The following ARHGAP35 variants were observed in gnomAD, a reference collection of about 807,000 sequenced individuals.
The protein encoded by ARHGAP35 is Rho GTPase activating protein 35.
ARHGAP35 carries 15 observed loss-of-function variants against 111.1 expected under a neutral mutation model. The ratio of observed to expected loss-of-function variants is 0.13; its 90% CI spans 0.09 to 0.21. The LOEUF (loss-of-function observed/expected upper bound fraction) is 0.21. Among genes scored for constraint, ARHGAP35 ranks in the 10% least tolerant of loss-of-function variants. The probability of loss-of-function intolerance (pLI) is 1.00; values close to 1 mark genes in which losing one functional copy is unlikely to be tolerated. For missense variants in ARHGAP35, 1,262 were observed against 1,873.0 expected (o/e 0.67, Z 6.02); for synonymous variants, 643 against 710.3 (o/e 0.91, Z 1.51).
At chr19:46,898,116 C>T (rs1181212785) in intron 1 of ARHGAP35, among the ~76,000 whole-genome samples, 1 of 152,052 alleles carries the variant, frequency 6.6e-6, no homozygotes, top group Non-Finnish European at 1.5e-5. Context: ...GTGGCGCATG[C>T]CTGTAATCCC....
intron 2 of ARHGAP35, among the ~76,000 whole-genome samples, chr19:46,925,381 A>G (rs2056232336): frequency 6.6e-6 from 1 of 152,226 alleles, no homozygotes; most frequent in African/African-American, 2.4e-5. Flanking sequence ...ATCAGGGGAG[A>G]GAAGGGCCAA....
At chr19:46,868,932 G>A (rs1408685164) in intron 1 of ARHGAP35, among the ~76,000 whole-genome samples, 1 of 100,932 alleles carries the variant, frequency 9.9e-6, no homozygotes, top group Non-Finnish European at 1.8e-5. Flanking sequence ...TGGTGACGTA[G>A]TCTTGCTCTG....
At chr19:46,978,183 T>C (rs988419423) in intron 3 of ARHGAP35, among the ~76,000 whole-genome samples, 2 of 152,172 alleles carry the variant, frequency 1.3e-5, no homozygotes, top group African/African-American at 4.8e-5. Context: ...TTATCCTAGA[T>C]TGCAGGGACT....
In ARHGAP35 at chr19:46,941,206, C is replaced by T. The variant is rs60912509; in HGVS notation, c.3826+3798C>T. On this transcript the variant is annotated intron_variant, in intron 3 of 6. Transcript: ENST00000672722. The stretch of plus-strand genomic sequence containing the variant: ...TAGTATTTCTTTGCCTTAGGGCATT[C>T]CCCTTGTGTGGTTTAAAATTTGTCC... Among the ~76,000 whole-genome samples the T allele has an allele frequency of 7.3e-3, 1,118 of 152,270 alleles. 19 individuals are homozygous for T. The highest frequency in any genetic ancestry group is 0.024 in the African/African-American group (993 of 41,548).
At position 47,003,369 on chromosome 19, in the gene ARHGAP35, C is replaced by G. The variant is rs530997597; in HGVS notation, c.*2681C>G. On this transcript the variant is annotated 3_prime_UTR_variant, in exon 7 of 7. Coordinates refer to ENST00000672722, the MANE Select transcript of ARHGAP35 (RefSeq NM_004491.5). ...TCAGCACTGGGTGGGAGGGCGTTGGCTTGTCCAGAATGGGGACGTGGGGCA... is the reference window on the plus strand; with the variant it reads ...TCAGCACTGGGTGGGAGGGCGTTGGGTTGTCCAGAATGGGGACGTGGGGCA... 6.6e-6 allele frequency: 1 copy of G among 152,458 alleles called. No homozygotes were observed. Among genetic ancestry groups the G allele is most frequent in the South Asian group, 2.1e-4 (1 of 4,826 alleles). 9.4% of individuals were successfully genotyped at this position (152,458 alleles called of 1,614,324 possible). A position where few individuals can be genotyped will look rare whatever the true frequency, so the allele number is the denominator to read the frequency against.
Position 46,926,085 on chromosome 19 carries a change from C to A in ARHGAP35, c.3681+3729C>A, listed in dbSNP as rs2056236172. ...GCTGCTTTCTTGGTACTTACCCTAG[C>A]AACCACCCTAACAAAAAAATAGCTA... On this transcript the variant is annotated intron_variant, in intron 2 of 6. Transcript: ENST00000672722. The surrounding 1 kb of genome is among the most constrained non-coding windows in gnomAD (Gnocchi z 4.1). Among the ~76,000 whole-genome samples the A allele has an allele frequency of 6.6e-6, 1 of 152,214 alleles. No individual in the cohort carries two copies. The highest frequency in any genetic ancestry group is 1.5e-5 in the Non-Finnish European group (1 of 68,040).
chr19:46,868,416 A>G (rs2055869838), intron 1 of ARHGAP35, among the ~76,000 whole-genome samples: 1 of 152,230 alleles, frequency 6.6e-6, no homozygotes, highest in Non-Finnish European at 1.5e-5. Flanking sequence ...TGAATAGACT[A>G]TTCTGATTAA....
At chr19:46,983,054 CAAAAAAAAAA>C (rs71179281) in intron 3 of ARHGAP35, among the ~76,000 whole-genome samples, 21 of 47,646 alleles carry the variant, frequency 4.4e-4, no homozygotes, top group South Asian at 1.3e-3. Flanking sequence ...ACCTTGTGTA[CAAAAAAAAAA>C]AAAAAAAAAA....
chr19:46,866,547 C>G (rs2055858442), intron 1 of ARHGAP35, among the ~76,000 whole-genome samples: 2 of 152,130 alleles, frequency 1.3e-5, no homozygotes, highest in Non-Finnish European at 2.9e-5. Flanking sequence ...GAGTGCTGTC[C>G]AGGTCTGATT....
intron 3 of ARHGAP35, among the ~76,000 whole-genome samples, chr19:46,984,717 A>G (rs1027367155): frequency 1.3e-5 from 2 of 152,224 alleles, no homozygotes; most frequent in African/African-American, 2.4e-5. Context: ...TGATTAATTG[A>G]TGCTCTGGTA....
At chr19:46,903,910 T>A (rs1416385481) in intron 1 of ARHGAP35, among the ~76,000 whole-genome samples, 1 of 152,226 alleles carries the variant, frequency 6.6e-6, no homozygotes, top group East Asian at 1.9e-4. Context: ...CCTTTTTTTT[T>A]TTCTCTGAAA....
chr19:46,935,850 T>C (rs2056304502), intron 2 of ARHGAP35, among the ~76,000 whole-genome samples: 1 of 152,202 alleles, frequency 6.6e-6, no homozygotes, highest in Non-Finnish European at 1.5e-5. Flanking sequence ...TTTTTCTCCA[T>C]TTAAGGTTCA....
chr19:46,872,298 A>G (rs2055891774), intron 1 of ARHGAP35, among the ~76,000 whole-genome samples: 1 of 152,158 alleles, frequency 6.6e-6, no homozygotes, highest in Non-Finnish European at 1.5e-5. Context: ...TGGAAGAAAT[A>G]TGCTGAAGTG....
In ARHGAP35 at chr19:46,919,728, T is replaced by G. The variant is rs766988203; in HGVS notation, c.1053T>G (p.Leu351=). ...LAALPLAFEA[L]IPNLDEIDHL... is the part of the protein sequence containing the mutation. ...CCCTGCCATTAGCTTTTGAAGCTCT[T>G]ATACCTAATCTAGATGAAATAGACC... The change falls in exon 2 of 7, where the codon CTT becomes CTG. Residue 351 remains leucine (L), a synonymous_variant. Coordinates refer to ENST00000672722, the MANE Select transcript of ARHGAP35 (RefSeq NM_004491.5). This position sits in a 1 kb window ranked among gnomAD's most constrained non-coding sequence, Gnocchi z 6.2. 9.9e-6 allele frequency: 16 copies of G among 1,613,934 alleles called. No homozygotes were observed. Among genetic ancestry groups the G allele is most frequent in the African/African-American group, 1.3e-5 (1 of 74,932 alleles).
intron 3 of ARHGAP35, among the ~76,000 whole-genome samples, chr19:46,959,372 ATTTATTTTTAT>A (rs2056463419): frequency 6.6e-6 from 1 of 150,756 alleles, no homozygotes; most frequent in Admixed American, 6.6e-5. Flanking sequence ...TCCTTTTTTT[ATTTATTTTTAT>A]TTTATTTTAT....
intron 3 of ARHGAP35, chr19:46,947,275 G>A (rs1289870381): frequency 6.6e-6 from 1 of 152,124 alleles, no homozygotes; most frequent in Non-Finnish European, 1.5e-5. Context: ...GTCTGGGCGT[G>A]GGGGAGATAG....
intron 1 of ARHGAP35, among the ~76,000 whole-genome samples, chr19:46,896,014 A>G (rs55720143): frequency 0.24 from 36,138 of 151,988 alleles, 5,400 homozygotes; most frequent in East Asian, 0.43. Context: ...AGGCAGGAGA[A>G]TCGCTTAAAC....
intron 3 of ARHGAP35, chr19:46,947,722 C>G (rs1165972680): frequency 6.6e-6 from 1 of 152,138 alleles, no homozygotes; most frequent in Non-Finnish European, 1.5e-5. Context: ...GCTCAGCACC[C>G]AAGACTGCCC....
chr19:46,911,418 T>A (rs940955184), intron 1 of ARHGAP35, among the ~76,000 whole-genome samples: 12 of 152,246 alleles, frequency 7.9e-5, no homozygotes, highest in African/African-American at 2.7e-4. Context: ...TTCATCACAT[T>A]TTCTTTGCTA....
Sources: allele counts gnomAD v4.1 joint callset (sites outside exome capture counted in the v4.1 genomes callset), GRCh38; gene constraint gnomAD v4.1.1; non-coding constraint Gnocchi (gnomAD v3.1); transcripts MANE v1.5; gene names NCBI Gene and HGNC (gene_info 2026-07-23, HGNC 2026-07-21).